PTGER3: variants seen among roughly 807,000 people sequenced by gnomAD.
The protein encoded by PTGER3 is prostaglandin E2 receptor EP3 subtype.
Under a neutral mutation model 34.7 loss-of-function variants are expected in PTGER3, and 22 were observed. The observed-to-expected ratio is 0.63, with a 90% CI of 0.45 to 0.91. The LOEUF is 0.91. Among genes scored for constraint, PTGER3 ranks in the 40% least tolerant of loss-of-function variants. PTGER3 has a pLI of 0.00. For missense variants in PTGER3, 468 were observed against 519.4 expected (o/e 0.90, Z 0.96); for synonymous variants, 241 against 230.1 (o/e 1.05, Z -0.43).
At chr1:70,970,071 T>C (rs151058564), downstream of PTGER3, among the ~76,000 whole-genome samples, 90 of 152,312 alleles carry the variant, frequency 5.9e-4, 1 homozygote, top group African/African-American at 2.0e-3. Flanking sequence ...CTTTGTCTTG[T>C]AAACAGAATA....
chr1:70,871,616 C>A (rs1646165212), intron 4 of PTGER3, among the ~76,000 whole-genome samples: 1 of 152,028 alleles, frequency 6.6e-6, no homozygotes, highest in African/African-American at 2.4e-5. Context: ...AGAACTGAAA[C>A]CAATGATTAG....
intron 2 of PTGER3, among the ~76,000 whole-genome samples, chr1:70,964,407 G>A (rs1432564009): frequency 6.6e-6 from 1 of 152,176 alleles, no homozygotes; most frequent in Non-Finnish European, 1.5e-5. Context: ...AAGGAAAGAG[G>A]TTCAATTGAC....
chr1:70,928,829 G>C (rs575265127), intron 4 of PTGER3, among the ~76,000 whole-genome samples: 6 of 151,142 alleles, frequency 4.0e-5, no homozygotes, highest in Non-Finnish European at 8.9e-5. Context: ...AATTCACATT[G>C]CTTCATTAGC....
At chr1:70,991,366 C>T (rs754074527) in intron 2 of PTGER3, among the ~76,000 whole-genome samples, 3 of 152,190 alleles carry the variant, frequency 2.0e-5, no homozygotes, top group Non-Finnish European at 4.4e-5. Context: ...ATCCTCTCCT[C>T]TCCAAACCCT....
chr1:70,885,859 G>A (rs1431892475), intron 4 of PTGER3, among the ~76,000 whole-genome samples: 1 of 152,204 alleles, frequency 6.6e-6, no homozygotes, highest in Admixed American at 6.5e-5. Flanking sequence ...ATGGGAGGAA[G>A]CATATGGCAA....
At chr1:70,958,183 C>G (rs1362151912) in intron 2 of PTGER3, among the ~76,000 whole-genome samples, 1 of 152,146 alleles carries the variant, frequency 6.6e-6, no homozygotes, top group Non-Finnish European at 1.5e-5. Flanking sequence ...GTATCATCAA[C>G]ATACCGATTT....
intron 1 of PTGER3, among the ~76,000 whole-genome samples, chr1:71,021,931 T>G (rs2300174): frequency 6.6e-6 from 1 of 151,846 alleles, no homozygotes; most frequent in Non-Finnish European, 1.5e-5. Flanking sequence ...ATTAGTAACA[T>G]GAAGAATATT....
chr1:70,909,308 T>C (rs1036038814), intron 4 of PTGER3, among the ~76,000 whole-genome samples: 2 of 152,190 alleles, frequency 1.3e-5, no homozygotes, highest in East Asian at 3.8e-4. Context: ...TCACAGGTAA[T>C]AGTTGTTCCC....
chr1:71,006,212 C>T (rs1656948540), intron 2 of PTGER3: 5 of 985,240 alleles, frequency 5.1e-6, no homozygotes, highest in Non-Finnish European at 3.6e-6. Context: ...AAGATCTGGT[C>T]CTAGGCCTAG....
At chr1:70,973,236 TAGATA>T (rs1443613053) in intron 3 of PTGER3, among the ~76,000 whole-genome samples, 2 of 143,226 alleles carry the variant, frequency 1.4e-5, no homozygotes, top group Non-Finnish European at 1.6e-5. Context: ...GATAGATAGA[TAGATA>T]GATAGATAGA....
intron 2 of PTGER3, among the ~76,000 whole-genome samples, chr1:70,954,154 A>T (rs1211100140): frequency 6.6e-6 from 1 of 152,140 alleles, no homozygotes; most frequent in Non-Finnish European, 1.5e-5. Context: ...GCTGCATTTT[A>T]ACAGGAATTA....
rs55820048 is a variant in PTGER3, at chr1:71,013,443, C to A, written c.898-959G>T. 2.0e-3 allele frequency among the ~76,000 whole-genome samples: 297 copies of A among 152,280 alleles called. 5 individuals are homozygous for A. The highest frequency in any genetic ancestry group is 6.8e-3 in the African/African-American group (281 of 41,556). The stretch of plus-strand genomic sequence containing the variant: ...TCAGGCCAGGTGTGGTGGCTCACGC[C>A]TGTAATCCCGGCACTTTGGGAGGCC... On this transcript the variant is annotated intron_variant, in intron 1 of 3. Coordinates refer to ENST00000306666, the MANE Select transcript of PTGER3 (RefSeq NM_198719.2).
At chr1:70,948,585 G>A (rs1387910650), downstream of PTGER3, among the ~76,000 whole-genome samples, 1 of 152,156 alleles carries the variant, frequency 6.6e-6, no homozygotes, top group African/African-American at 2.4e-5. Flanking sequence ...TGGAAGGGGA[G>A]AGGCATAATC....
intron 1 of PTGER3, among the ~76,000 whole-genome samples, chr1:71,019,281 A>G (rs1409132088): frequency 6.6e-6 from 1 of 152,208 alleles, no homozygotes; most frequent in Admixed American, 6.5e-5. Context: ...TGGTTTTAGC[A>G]AACACACATA....
chr1:70,895,645 G>A (rs1017428936), intron 4 of PTGER3, among the ~76,000 whole-genome samples: 1 of 152,050 alleles, frequency 6.6e-6, no homozygotes, highest in African/African-American at 2.4e-5. Flanking sequence ...ACAAAAACAA[G>A]TTTCTGTTTC....
At chr1:70,945,467 C>T (rs2100560650) in intron 4 of PTGER3, among the ~76,000 whole-genome samples, 1 of 152,250 alleles carries the variant, frequency 6.6e-6, no homozygotes, top group Middle Eastern at 3.4e-3. Flanking sequence ...CTAGACTGAA[C>T]TGGGATGCAT....
intron 4 of PTGER3, among the ~76,000 whole-genome samples, chr1:70,904,908 G>C (rs550253408): frequency 3.2e-4 from 48 of 152,262 alleles, no homozygotes; most frequent in African/African-American, 1.1e-3. Context: ...CATCTCAGAG[G>C]TCTTCACAGC....
At chr1:71,024,407 T>C (rs1420071332) in intron 1 of PTGER3, among the ~76,000 whole-genome samples, 1 of 152,196 alleles carries the variant, frequency 6.6e-6, no homozygotes, top group Non-Finnish European at 1.5e-5. Flanking sequence ...ATCTTGCTGC[T>C]TGTTTTTAAT....
intron 4 of PTGER3, among the ~76,000 whole-genome samples, chr1:70,864,984 G>A: frequency 6.6e-6 from 1 of 152,154 alleles, no homozygotes; most frequent in East Asian, 1.9e-4. Context: ...AAAGAAAGTG[G>A]CCATCTATCC....
Sources: gnomAD v4.1 joint callset for allele counts (sites outside exome capture counted in the v4.1 genomes callset) on GRCh38, gnomAD v4.1.1 for gene constraint, MANE v1.5 for transcripts, NCBI Gene and HGNC (gene_info 2026-07-23, HGNC 2026-07-21) for gene names.